Variants in PTPRN2 observed in about 807,000 individuals in gnomAD.
PTPRN2 encodes the protein receptor-type tyrosine-protein phosphatase N2.
Under a neutral mutation model 118.8 loss-of-function variants are expected in PTPRN2, and 74 were observed. That is an observed-to-expected ratio of 0.62 (90% CI 0.52 to 0.76). The LOEUF (loss-of-function observed/expected upper bound fraction) is 0.76. Ranked by LOEUF, PTPRN2 falls within the 30% of genes least tolerant of loss-of-function variation. PTPRN2 has a pLI of 0.00. For synonymous variants in PTPRN2, 641 were observed against 608.0 expected (o/e 1.05, Z -0.80); for missense variants, 1,481 against 1,394.4 (o/e 1.06, Z -0.99).
At chr7:158,414,947 T>G (rs1053054092) in intron 2 of PTPRN2, among the ~76,000 whole-genome samples, 1 of 152,128 alleles carries the variant, frequency 6.6e-6, no homozygotes, top group Admixed American at 6.5e-5. Flanking sequence ...AGCTGAGCAC[T>G]CCAGCCATAA....
At chr7:157,556,041 GGGTGCAGA>G (rs1798860471) in intron 21 of PTPRN2, among the ~76,000 whole-genome samples, 1 of 152,182 alleles carries the variant, frequency 6.6e-6, no homozygotes, top group African/African-American at 2.4e-5. Context: ...GAACTGGACT[GGGTGCAGA>G]GGTCAAGCTA....
chr7:157,914,104 T>C (rs946622088), intron 11 of PTPRN2, among the ~76,000 whole-genome samples: 6 of 152,258 alleles, frequency 3.9e-5, no homozygotes, highest in African/African-American at 1.4e-4. Context: ...CCAAAGCATC[T>C]ATATTAGCAT....
chr7:158,008,601 A>G (rs1805829990), intron 11 of PTPRN2, among the ~76,000 whole-genome samples: 1 of 152,246 alleles, frequency 6.6e-6, no homozygotes, highest in Admixed American at 6.5e-5. Context: ...CCTGAACAAT[A>G]AAGGAAGTCA....
At chr7:158,162,989 C>T (rs919387867) in intron 6 of PTPRN2, among the ~76,000 whole-genome samples, 4 of 152,180 alleles carry the variant, frequency 2.6e-5, no homozygotes, top group Non-Finnish European at 5.9e-5. Context: ...ACAGGGTCCT[C>T]CCTTCCTGCT....
At chr7:158,216,787 A>C (rs1046374112) in intron 3 of PTPRN2, among the ~76,000 whole-genome samples, 10 of 152,298 alleles carry the variant, frequency 6.6e-5, no homozygotes, top group Middle Eastern at 3.4e-3. Flanking sequence ...TGTACCCAAC[A>C]AGAGCAGAGT....
At chr7:158,254,679 T>A (rs1400285918) in intron 3 of PTPRN2, among the ~76,000 whole-genome samples, 1 of 151,514 alleles carries the variant, frequency 6.6e-6, no homozygotes. Context: ...TTCAGGAGCA[T>A]CCCTGTAACT....
At chr7:157,659,157 C>T (rs1163796571) in intron 13 of PTPRN2, among the ~76,000 whole-genome samples, 2 of 151,720 alleles carry the variant, frequency 1.3e-5, no homozygotes, top group African/African-American at 4.8e-5. Context: ...ATTCATGCTC[C>T]CGGGCTCTCT....
In PTPRN2 at chr7:157,874,989, GCAGACGCAAACGTGCATGCACA is replaced by G. The variant is rs1795654462; in HGVS notation, c.1788+23662_1788+23683del. 6.6e-6 allele frequency among the ~76,000 whole-genome samples: 1 copy of G among 150,654 alleles called. No homozygotes were observed. The highest frequency in any genetic ancestry group is 2.4e-5 in the African/African-American group (1 of 40,848). On this transcript the variant is annotated intron_variant, in intron 12 of 22. Coordinates refer to ENST00000389418, the MANE Select transcript of PTPRN2 (RefSeq NM_002847.5). This position sits in a 1 kb window ranked among gnomAD's most constrained non-coding sequence, Gnocchi z 5.8. Reference sequence around the variant, plus strand: ...TACACAGAGACACAGGCACACACAGGCAGACGCAAACGTGCATGCACACAGACACACAGACACACGCAGACAC... The same window carrying G: ...TACACAGAGACACAGGCACACACAGGCAGACACACAGACACACGCAGACAC...
rs544051489 is a variant in PTPRN2 at position 158,394,231 on chromosome 7, C to T, written c.164-77299G>A. Among the ~76,000 whole-genome samples, 7 of 152,098 alleles carry T rather than the reference C, an allele frequency of 4.6e-5. No individual in the cohort carries two copies. The South Asian group carries it at 1.2e-3, about 27-fold the overall frequency. ...ATGTCCCCCACAGATGCCTGGACCT[C>T]TCTGTTCCCTGTGGACCACTGGCCC... is the stretch of plus-strand genomic sequence containing the variant. On this transcript the variant is annotated intron_variant, in intron 2 of 22. Coordinates refer to ENST00000389418, the MANE Select transcript of PTPRN2 (RefSeq NM_002847.5).
In PTPRN2 at chr7:158,238,904, G is replaced by T. The variant is rs529716633; in HGVS notation, c.278-33631C>A. The stretch of plus-strand genomic sequence containing the variant: ...CAGAGGTGAGAGCAGAGGTGTGAAG[G>T]CCACGCAGCCCCCAGGACGCCCCCA... On this transcript the variant is annotated intron_variant, in intron 3 of 22. Coordinates refer to ENST00000389418, the MANE Select transcript of PTPRN2 (RefSeq NM_002847.5). Among the ~76,000 whole-genome samples, 7 of 152,118 alleles carry T rather than the reference G, an allele frequency of 4.6e-5. No individual in the cohort carries two copies. The East Asian group carries it at 1.4e-3, about 29-fold the overall frequency.
At chr7:158,354,252 C>T (rs899969222) in intron 2 of PTPRN2, among the ~76,000 whole-genome samples, 3 of 152,182 alleles carry the variant, frequency 2.0e-5, no homozygotes, top group African/African-American at 7.2e-5. Flanking sequence ...AAAACCAAAA[C>T]ACCCAGACAG....
chr7:157,900,282 G>A (rs900857898), intron 11 of PTPRN2, among the ~76,000 whole-genome samples: 2 of 152,202 alleles, frequency 1.3e-5, no homozygotes, highest in Non-Finnish European at 2.9e-5. Context: ...TGCAGACCAC[G>A]CCTAAGTGGA....
chr7:157,698,276 C>T (rs1797905397), intron 12 of PTPRN2, among the ~76,000 whole-genome samples: 1 of 152,152 alleles, frequency 6.6e-6, no homozygotes, highest in African/African-American at 2.4e-5. Context: ...TAAAGCAGAA[C>T]AATGCAAGTC....
At chr7:157,971,822 A>T (rs954452594) in intron 11 of PTPRN2, among the ~76,000 whole-genome samples, 4 of 152,242 alleles carry the variant, frequency 2.6e-5, no homozygotes, top group Admixed American at 1.3e-4. Context: ...CTCCCCAGGG[A>T]TGGTGTAGAC....
At chr7:157,841,650 C>T (rs534722211) in intron 12 of PTPRN2, among the ~76,000 whole-genome samples, 21 of 152,306 alleles carry the variant, frequency 1.4e-4, no homozygotes, top group Non-Finnish European at 2.4e-4. Context: ...CCTGGCCTGG[C>T]GGACTCTGAG....
At position 158,574,486 on chromosome 7, in the gene PTPRN2, CACTGAGAG is replaced by C. The variant is rs1490431537; in HGVS notation, c.112+13064_112+13071del. Among the ~76,000 whole-genome samples, 1 of 152,114 alleles carries C rather than the reference CACTGAGAG, an allele frequency of 6.6e-6. No homozygotes were observed. Among genetic ancestry groups the C allele is most frequent in the Non-Finnish European group, 1.5e-5 (1 of 68,032 alleles). ...TTGGTGGCGCCATCAGACACTGAGACACTGAGAGGAGGGGCCACAAGGGGGATGAGGCA... is the reference window on the plus strand; with the variant it reads ...TTGGTGGCGCCATCAGACACTGAGACGAGGGGCCACAAGGGGGATGAGGCA... On this transcript the variant is annotated intron_variant, in intron 1 of 22. Coordinates refer to ENST00000389418, the MANE Select transcript of PTPRN2 (RefSeq NM_002847.5). This position sits in a 1 kb window ranked among gnomAD's most constrained non-coding sequence, Gnocchi z 4.6.
chr7:157,577,715 C>G (rs1349927855), intron 18 of PTPRN2, among the ~76,000 whole-genome samples: 1 of 152,190 alleles, frequency 6.6e-6, no homozygotes, highest in Non-Finnish European at 1.5e-5. Flanking sequence ...TTAGAAAAAT[C>G]TAAAAGATAA....
Position 157,953,679 on chromosome 7 carries a change from G to T in PTPRN2, c.1724-54942C>A, listed in dbSNP as rs1269138549. Among the ~76,000 whole-genome samples, 1 of 152,044 alleles carries T rather than the reference G, an allele frequency of 6.6e-6. No homozygotes were observed. The highest frequency in any genetic ancestry group is 1.5e-5 in the Non-Finnish European group (1 of 68,014). ...ACAGACATCTCATTTTTTCAGAGCT[G>T]CATCATCAGAGCAGTTGGGGGACAG... is the stretch of plus-strand genomic sequence containing the variant. On this transcript the variant is annotated intron_variant, in intron 11 of 22. Coordinates refer to ENST00000389418, the MANE Select transcript of PTPRN2 (RefSeq NM_002847.5). This position sits in a 1 kb window ranked among gnomAD's most constrained non-coding sequence, Gnocchi z 4.6.
At chr7:158,359,685 G>A (rs932630114) in intron 2 of PTPRN2, among the ~76,000 whole-genome samples, 1 of 152,210 alleles carries the variant, frequency 6.6e-6, no homozygotes, top group Admixed American at 6.5e-5. Context: ...CCTCAGCACA[G>A]TAGCTGACAA....
Sources: allele counts gnomAD v4.1 joint callset (sites outside exome capture counted in the v4.1 genomes callset), GRCh38; gene constraint gnomAD v4.1.1; non-coding constraint Gnocchi (gnomAD v3.1); transcripts MANE v1.5; gene names NCBI Gene and HGNC (gene_info 2026-07-23, HGNC 2026-07-21).